The following SLC9A1 variants were observed in gnomAD, a reference collection of about 807,000 sequenced individuals.
SLC9A1 encodes solute carrier family 9 member A1.
In SLC9A1, 22 loss-of-function variants were observed where a neutral mutation model predicts 67.9. The observed-to-expected ratio is 0.32, with a 90% CI of 0.23 to 0.46. The LOEUF is 0.46. SLC9A1 is among the 20% of genes least tolerant of loss of function. The probability of loss-of-function intolerance (pLI) is 1.00; values close to 1 mark genes in which losing one functional copy is unlikely to be tolerated. For missense variants in SLC9A1, 686 were observed against 1,094.8 expected, an observed-to-expected ratio of 0.63 and a Z score of 5.27; for synonymous variants, 421 against 471.8, an observed-to-expected ratio of 0.89 and a Z score of 1.40.
intron 1 of SLC9A1, among the ~76,000 whole-genome samples, chr1:27,120,372 C>T (rs1472102797): frequency 1.3e-5 from 2 of 151,808 alleles, no homozygotes; most frequent in African/African-American, 2.4e-5. Context: ...GTGATCCACC[C>T]ACCTTAGCCT....
rs1247119675 is a variant in SLC9A1, at chr1:27,101,157, G to A, written c.2110+46C>T. On this transcript the variant is annotated intron_variant, in intron 11 of 11. Transcript: ENST00000263980. The surrounding 1 kb of genome is among the most constrained non-coding windows in gnomAD (Gnocchi z 4.9). ...CTGTGGAGCCCCATCCTCAGGAGGT[G>A]GCAGCTCAGAGTGCCCAGTCCTGAG... 6.2e-6 allele frequency: 9 copies of A among 1,445,712 alleles called. No individual in the cohort carries two copies. Among genetic ancestry groups the A allele is most frequent in the Non-Finnish European group, 7.7e-6 (8 of 1,038,736 alleles). The allele number at this position is 1,445,712 out of a possible 1,614,324, so 89.6% of individuals were successfully genotyped here.
chr1:27,145,791 A>G (rs1335141799), intron 1 of SLC9A1, among the ~76,000 whole-genome samples: 1 of 152,148 alleles, frequency 6.6e-6, no homozygotes, highest in Non-Finnish European at 1.5e-5. Flanking sequence ...GTAGTATAAA[A>G]ACTCAGGGCT....
chr1:27,125,960 TCCA>T (rs2083341221), intron 1 of SLC9A1, among the ~76,000 whole-genome samples: 1 of 152,232 alleles, frequency 6.6e-6, no homozygotes, highest in South Asian at 2.1e-4. Flanking sequence ...TCCGCGTCTT[TCCA>T]CCACACCTGA....
intron 1 of SLC9A1, among the ~76,000 whole-genome samples, chr1:27,126,973 G>A (rs941025902): frequency 3.9e-5 from 6 of 152,128 alleles, no homozygotes; most frequent in African/African-American, 1.4e-4. Context: ...GGAAACGAGT[G>A]TGGTACAGGT....
Position 27,109,813 on chromosome 1 carries a change from AG to A in SLC9A1, c.814-37del, listed in dbSNP as rs2083215733. The A allele has an allele frequency of 6.2e-7, 1 of 1,610,634 alleles. No homozygotes were observed. ...TGTGCAGGCTGGTGGGTGGGAGGAG[AG>A]GGCCCTGGCCCCACGGTTCCCTGGG... On this transcript the variant is annotated intron_variant, in intron 2 of 11. Transcript: ENST00000263980. The surrounding 1 kb of genome is among the most constrained non-coding windows in gnomAD (Gnocchi z 5.5).
At position 27,100,890 on chromosome 1, in the gene SLC9A1, C is replaced by A. The variant is rs2083138004; in HGVS notation, c.2111-246G>T. Among the ~76,000 whole-genome samples, 1 of 152,238 alleles carries A rather than the reference C, an allele frequency of 6.6e-6. No individual in the cohort carries two copies. The highest frequency in any genetic ancestry group is 6.5e-5 in the Admixed American group (1 of 15,286). The stretch of plus-strand genomic sequence containing the variant: ...CACAGGCCAAGGCCTGGGGCTCCTC[C>A]CTGAGTCAGTCTGCCCTGGGGCCCT... On this transcript the variant is annotated intron_variant, in intron 11 of 11. Coordinates refer to ENST00000263980, the MANE Select transcript of SLC9A1 (RefSeq NM_003047.5). The surrounding 1 kb of genome is among the most constrained non-coding windows in gnomAD (Gnocchi z 5.6).
Position 27,114,210 on chromosome 1 carries a change from C to T in SLC9A1, c.429G>A (p.Gly143=). The part of the protein sequence containing the change: ...CLLIVVGLLV[G]GLIKGVGETP... ...TCTCGCCTACACCCTTGATCAGGCC[C>T]CCCACCAGCAGCCCCACCACGATCA... Residue 143 remains glycine, a synonymous_variant, in exon 2 of 12, where the codon GGG becomes GGA. Transcript: ENST00000263980. This position sits in a 1 kb window ranked among gnomAD's most constrained non-coding sequence, Gnocchi z 5.4. 6.2e-7 allele frequency: 1 copy of T among 1,614,076 alleles called. No homozygotes were observed. Among genetic ancestry groups the T allele is most frequent in the East Asian group, 2.2e-5 (1 of 44,876 alleles).
rs374860876 is a variant in SLC9A1, at chr1:27,133,757, C to G, written c.353-19471G>C. On this transcript the variant is annotated intron_variant, in intron 1 of 11. Coordinates refer to ENST00000263980, the MANE Select transcript of SLC9A1 (RefSeq NM_003047.5). ...AGGGAAGGGGAGAGAAGAACTGGAGCCCTGGTAATTTTTTTTTTTTTTTTT... is the reference window on the plus strand; with the variant it reads ...AGGGAAGGGGAGAGAAGAACTGGAGGCCTGGTAATTTTTTTTTTTTTTTTT... Among the ~76,000 whole-genome samples the G allele has an allele frequency of 4.1e-4, 62 of 151,880 alleles. 1 individual carries two copies. Among genetic ancestry groups the G allele is most frequent in the Admixed American group, 2.2e-3 (33 of 15,238 alleles).
Position 27,106,177 on chromosome 1 carries a change from AG to A in SLC9A1, c.1283-91del. 2.3e-6 allele frequency: 2 copies of A among 868,264 alleles called. No individual in the cohort carries two copies. Among genetic ancestry groups the A allele is most frequent in the Non-Finnish European group, 3.7e-6 (2 of 544,528 alleles). 53.8% of individuals were successfully genotyped at this position (868,264 alleles called of 1,614,324 possible). A position where few individuals can be genotyped will look rare whatever the true frequency, so the allele number is the denominator to read the frequency against. ...GCATCAGTGATTTCTCTGTGCATCC[AG>A]GAAGTCTCCATTACGAAGCCCACCC... On this transcript the variant is annotated intron_variant, in intron 4 of 11. Transcript: ENST00000263980. The surrounding 1 kb of genome is among the most constrained non-coding windows in gnomAD (Gnocchi z 4.3).
Position 27,154,324 on chromosome 1 carries a change from C to A in SLC9A1, c.11G>T (p.Arg4Leu), listed in dbSNP as rs766845837. 13 of 1,588,772 alleles carry A rather than the reference C, an allele frequency of 8.2e-6. No individual in the cohort carries two copies. The African/African-American group carries it at 1.3e-4, about 16-fold the overall frequency. Residue 4 changes from arginine (R) to leucine (L), a missense_variant, in exon 1 of 12, where the codon CGG becomes CTG. Physicochemically the swap from Arg to Leu is moderately radical, Grantham distance 102 (BLOSUM62 -2). Coordinates refer to ENST00000263980, the MANE Select transcript of SLC9A1 (RefSeq NM_003047.5). MVL[R>L]SGICGLSPHR... ...TGGAGAGAGGCCACAGATGCCAGAC[C>A]GCAGAACCATGGTGCTGCTTCCAGA... is the stretch of plus-strand genomic sequence containing the variant.
chr1:27,149,668 TC>T (rs1319695305), intron 1 of SLC9A1, among the ~76,000 whole-genome samples: 16 of 152,136 alleles, frequency 1.1e-4, no homozygotes, highest in African/African-American at 3.6e-4. Context: ...TACCAGGCAT[TC>T]CCACGTTCAG....
intron 3 of SLC9A1, among the ~76,000 whole-genome samples, chr1:27,108,143 T>C (rs576807553): frequency 6.7e-6 from 1 of 149,284 alleles, no homozygotes; most frequent in Non-Finnish European, 1.5e-5. Flanking sequence ...CTTGGCTCAC[T>C]GCAACCTCCG....
rs757625582 is a variant in SLC9A1, at chr1:27,153,974, G to C, written c.352+9C>G. The C allele has an allele frequency of 2.6e-6, 4 of 1,529,486 alleles. No homozygotes were observed. Among genetic ancestry groups the C allele is most frequent in the Non-Finnish European group, 3.5e-6 (4 of 1,129,794 alleles). The allele number at this position is 1,529,486 out of a possible 1,614,324, so 94.7% of individuals were successfully genotyped here. ...TGGCGGCCGCAGCATCGGAGCAAAC[G>C]GGACTTACCTATCTTCATGAGGCAG... is the stretch of plus-strand genomic sequence containing the variant. On this transcript the variant is annotated intron_variant, in intron 1 of 11. Coordinates refer to ENST00000263980, the MANE Select transcript of SLC9A1 (RefSeq NM_003047.5).
intron 1 of SLC9A1, among the ~76,000 whole-genome samples, chr1:27,120,118 GTTTT>G (rs531248912): frequency 4.0e-5 from 6 of 150,678 alleles, no homozygotes; most frequent in East Asian, 3.9e-4. Flanking sequence ...GGGATGGGAG[GTTTT>G]TTTTGTTTTG....
intron 1 of SLC9A1, among the ~76,000 whole-genome samples, chr1:27,145,208 C>G (rs1363385919): frequency 1.3e-5 from 2 of 152,132 alleles, no homozygotes; most frequent in African/African-American, 4.8e-5. Flanking sequence ...ACTAATGTTC[C>G]ACCTCCTTTG....
intron 1 of SLC9A1, among the ~76,000 whole-genome samples, chr1:27,130,826 T>G (rs1367744780): frequency 1.3e-5 from 2 of 152,296 alleles, no homozygotes; most frequent in East Asian, 3.9e-4. Context: ...CCGGGCCTGG[T>G]TAACTGCTTC....
intron 1 of SLC9A1, among the ~76,000 whole-genome samples, chr1:27,115,642 T>A (rs1355699145): frequency 6.6e-6 from 1 of 150,638 alleles, no homozygotes; most frequent in African/African-American, 2.4e-5. Context: ...GGAGACCTCA[T>A]CTCCACTTAA....
intron 1 of SLC9A1, among the ~76,000 whole-genome samples, chr1:27,141,103 G>A (rs1256526026): frequency 6.6e-6 from 1 of 152,200 alleles, no homozygotes; most frequent in African/African-American, 2.4e-5. Context: ...AGCTACTCGG[G>A]AGGCAGGAGA....
chr1:27,138,586 A>G (rs2124198108), intron 1 of SLC9A1, among the ~76,000 whole-genome samples: 1 of 152,214 alleles, frequency 6.6e-6, no homozygotes, highest in Middle Eastern at 3.4e-3. Context: ...GCCTCTCTGA[A>G]GAGATGACGT....
Sources: allele counts gnomAD v4.1 joint callset (sites outside exome capture counted in the v4.1 genomes callset), GRCh38; gene constraint gnomAD v4.1.1; non-coding constraint Gnocchi (gnomAD v3.1); transcripts MANE v1.5; gene names NCBI Gene and HGNC (gene_info 2026-07-23, HGNC 2026-07-21).